The following MYO7B variants were observed in gnomAD, a reference collection of about 807,000 sequenced individuals.
MYO7B encodes the protein myosin VIIB.
In MYO7B, 212 loss-of-function variants were observed where a neutral mutation model predicts 259.7. The ratio of observed to expected loss-of-function variants is 0.82; its 90% CI spans 0.73 to 0.91. The LOEUF is 0.91. Ranked by LOEUF, MYO7B falls within the 40% of genes least tolerant of loss-of-function variation. The pLI, the probability that MYO7B is intolerant of heterozygous loss-of-function variation, is 0.00. For missense variants in MYO7B, 2,732 were observed against 2,813.5 expected (o/e 0.97, Z 0.66); for synonymous variants, 1,197 against 1,166.4 (o/e 1.03, Z -0.54).
intron 1 of MYO7B, among the ~76,000 whole-genome samples, chr2:127,547,275 G>T (rs781325207): frequency 6.6e-6 from 1 of 152,236 alleles, no homozygotes; most frequent in Non-Finnish European, 1.5e-5. Flanking sequence ...TCTCACAGGT[G>T]TGGGAGAGAC....
intron 35 of MYO7B, 51 bp downstream of exon 35, chr2:127,629,877 G>C: frequency 1.3e-6 from 2 of 1,508,370 alleles, no homozygotes; most frequent in Non-Finnish European, 1.8e-6. Flanking sequence ...GGTCAGGGTG[G>C]AGCAGTCCTG....
At chr2:127,617,487 G>GTTTT (rs35542480) in intron 26 of MYO7B, among the ~76,000 whole-genome samples, 6,883 of 84,840 alleles carry the variant, frequency 0.081, 1,103 homozygotes, top group African/African-American at 0.092. Context: ...TTGTAACGGG[G>GTTTT]TTTTTTTTTT....
At position 127,577,805 on chromosome 2, in the gene MYO7B, A is replaced by G. The variant is rs1454576374; in HGVS notation, c.850-328A>G. Among the ~76,000 whole-genome samples, 1 of 152,236 alleles carries G rather than the reference A, an allele frequency of 6.6e-6. No homozygotes were observed. The highest frequency in any genetic ancestry group is 2.4e-5 in the African/African-American group (1 of 41,472). On this transcript the variant is annotated intron_variant, in intron 8 of 47. Coordinates refer to ENST00000409816, the MANE Select transcript of MYO7B (RefSeq NM_001393586.1). The surrounding 1 kb of genome is among the most constrained non-coding windows in gnomAD (Gnocchi z 5.2). Reference sequence around the variant, plus strand: ...CACAGGGCCTGGCCCATGGCGAGCCATGGAAAGTGTTTCTTAAAGGAACAA... The same window carrying G: ...CACAGGGCCTGGCCCATGGCGAGCCGTGGAAAGTGTTTCTTAAAGGAACAA...
rs1217122928 is a variant in MYO7B at position 127,580,817 on chromosome 2, C to A, written c.1075C>A (p.Leu359Met). Residue 359 changes from leucine (L) to methionine (M), a missense_variant, in exon 10 of 48, where the codon CTG (leucine) becomes ATG (methionine). Physicochemically the swap from Leu to Met is conservative, Grantham distance 15. Around this residue, in one of 3 missense-constraint regions of MYO7B, gnomAD observed 1,906 missense variants for 2,026.4 expected, o/e 0.94. Coordinates refer to ENST00000409816, the MANE Select transcript of MYO7B (RefSeq NM_001393586.1). Reference sequence around the variant, plus strand: ...CGCCTTTCCCACCGTGATGAAGTTACTGGAGGTAGGGGTGCTGTGCCCACA... The same window carrying A: ...CGCCTTTCCCACCGTGATGAAGTTAATGGAGGTAGGGGTGCTGTGCCCACA... ...TPAFPTVMKL[L>M]EVQHQELRDC... 6.2e-7 allele frequency: 1 copy of A among 1,612,952 alleles called. No homozygotes were observed. Among genetic ancestry groups the A allele is most frequent in the East Asian group, 2.2e-5 (1 of 44,858 alleles).
In MYO7B at chr2:127,578,118, CA is replaced by C; in HGVS notation, c.850-14del. ...CAGGGGATGGCCCCATTCACTGAGG[CA>C]CCCTGTCCCTCAGGGGAACTGCACT... On this transcript the variant is annotated splice_polypyrimidine_tract_variant and intron_variant, in intron 8 of 47. Transcript: ENST00000409816. 6.2e-7 allele frequency: 1 copy of C among 1,613,050 alleles called. No individual in the cohort carries two copies.
intron 1 of MYO7B, among the ~76,000 whole-genome samples, chr2:127,555,832 G>A (rs1312348567): frequency 6.6e-6 from 1 of 152,158 alleles, no homozygotes; most frequent in Non-Finnish European, 1.5e-5. Context: ...GTCTATCTTG[G>A]AGAAAGTTCC....
rs1319015537 is a variant in MYO7B, at chr2:127,574,045, T to C, written c.718T>C (p.Ser240Pro). ...ARIEQFLLEK[S>P]RVCRQAPEER... ...CATCGAGCAATTTCTCCTGGAGAAG[T>C]CCCGGGTCTGCCGGCAGGTGAGGCC... Residue 240 changes from serine (S) to proline (P), a missense_variant, in exon 7 of 48, where the codon TCC (serine) becomes CCC (proline). Coordinates refer to ENST00000409816, the MANE Select transcript of MYO7B (RefSeq NM_001393586.1). 1.2e-6 allele frequency: 2 copies of C among 1,613,800 alleles called. No individual in the cohort carries two copies. The highest frequency in any genetic ancestry group is 2.7e-5 in the African/African-American group (2 of 74,902).
intron 35 of MYO7B, among the ~76,000 whole-genome samples, chr2:127,630,327 G>A (rs1681401661): frequency 6.6e-6 from 1 of 152,352 alleles, no homozygotes; most frequent in East Asian, 1.9e-4. Context: ...TGGCAACTGT[G>A]CAAAGTGCCA....
Position 127,636,262 on chromosome 2 carries a change from G to A in MYO7B, c.6061G>A (p.Val2021Met). ...GGACAAGACAGTGGAGGAGGCCAAGGTGGCCTTCCTGAAGTGGATCTGCCG... is the reference window on the plus strand; with the variant it reads ...GGACAAGACAGTGGAGGAGGCCAAGATGGCCTTCCTGAAGTGGATCTGCCG... ...HKDKTVEEAK[V>M]AFLKWICRWP... The change falls in exon 45 of 48, where the codon GTG becomes ATG. Residue 2021 changes from valine to methionine, a missense_variant. Coordinates refer to ENST00000409816, the MANE Select transcript of MYO7B (RefSeq NM_001393586.1). This position sits in a 1 kb window ranked among gnomAD's most constrained non-coding sequence, Gnocchi z 4.5. 1 of 1,613,660 alleles carries A rather than the reference G, an allele frequency of 6.2e-7. No individual in the cohort carries two copies.
At position 127,609,639 on chromosome 2, in the gene MYO7B, A is replaced by T. The variant is rs1268788422; in HGVS notation, c.2948A>T (p.Lys983Ile). 6.2e-7 allele frequency: 1 copy of T among 1,613,934 alleles called. No homozygotes were observed. Among genetic ancestry groups the T allele is most frequent in the Non-Finnish European group, 8.5e-7 (1 of 1,179,868 alleles). Residue 983 changes from lysine (K) to isoleucine (I), a missense_variant, in exon 23 of 48, where the codon AAA becomes ATA. This residue lies in a region of MYO7B where 1,906 missense variants were observed against 2,026.4 expected (regional missense o/e 0.94). Transcript: ENST00000409816. The surrounding 1 kb of genome is among the most constrained non-coding windows in gnomAD (Gnocchi z 6.9). ...FPKFAVTYFQ[K>I]SASHTHIRRP... The stretch of plus-strand genomic sequence containing the variant: ...AAGTTTGCTGTGACTTACTTCCAGA[A>T]ATCAGCCAGCCACACACACATCCGG...
chr2:127,632,084 G>A (rs552178926), intron 38 of MYO7B, among the ~76,000 whole-genome samples, 162 bp from the exon 39 acceptor site: 2 of 152,332 alleles, frequency 1.3e-5, no homozygotes, highest in East Asian at 1.9e-4. Flanking sequence ...CCGTGGCATC[G>A]GGCAGCCTGG....
At chr2:127,544,049 G>A (rs1395207255) in intron 1 of MYO7B, among the ~76,000 whole-genome samples, 1 of 152,030 alleles carries the variant, frequency 6.6e-6, no homozygotes, top group African/African-American at 2.4e-5. Context: ...GGGATTACAG[G>A]CTAGAGCCAC....
At chr2:127,547,340 T>C (rs183851862) in intron 1 of MYO7B, among the ~76,000 whole-genome samples, 1 of 152,318 alleles carries the variant, frequency 6.6e-6, no homozygotes, top group East Asian at 1.9e-4. Context: ...AATCGCAGCC[T>C]CTGCATGTGA....
At chr2:127,626,778 CAAAAAA>C in intron 31 of MYO7B, 191 bp from the exon 32 acceptor site, 1 of 554,430 alleles carries the variant, frequency 1.8e-6, no homozygotes, top group East Asian at 3.1e-5. Flanking sequence ...GACTCTGTCT[CAAAAAA>C]GAAAAAAAAA....
Position 127,569,959 on chromosome 2 carries a change from C to T in MYO7B, c.592+49C>T, listed in dbSNP as rs369257716. Reference sequence around the variant, plus strand: ...CCTTCTCCCCCAGCCCCCCTGGAGCCTTCCTGCCAGGTAGGACCATGGGGA... The same window carrying T: ...CCTTCTCCCCCAGCCCCCCTGGAGCTTTCCTGCCAGGTAGGACCATGGGGA... On this transcript the variant is annotated intron_variant, in intron 6 of 47. Transcript: ENST00000409816. The T allele has an allele frequency of 1.4e-5, 22 of 1,575,948 alleles. 1 individual carries two copies. The Middle Eastern group carries it at 1.3e-3, about 94-fold the overall frequency.
chr2:127,592,990 T>C, intron 17 of MYO7B, 44 bp downstream of exon 17: 1 of 1,424,382 alleles, frequency 7.0e-7, no homozygotes. Flanking sequence ...ATCCGCGGCC[T>C]TCCCCTCGGC....
At chr2:127,626,650 G>A (rs1210593753) in intron 31 of MYO7B, 5 of 220,908 alleles carry the variant, frequency 2.3e-5, no homozygotes, top group South Asian at 7.1e-5. Context: ...GCAGTGGCAC[G>A]CGCCTGTAGT....
chr2:127,574,151 C>T, intron 7 of MYO7B, 89 bp downstream of exon 7: 5 of 1,532,588 alleles, frequency 3.3e-6, no homozygotes, highest in Admixed American at 1.7e-5. Flanking sequence ...CTCTCCTCCC[C>T]TCTTCCCCAA....
intron 1 of MYO7B, among the ~76,000 whole-genome samples, chr2:127,536,309 G>A (rs1692773132): frequency 6.6e-6 from 1 of 152,196 alleles, no homozygotes; most frequent in Non-Finnish European, 1.5e-5. Context: ...CAGAGACTGA[G>A]GACCATGGAA....
Sources: allele counts gnomAD v4.1 joint callset (sites outside exome capture counted in the v4.1 genomes callset), GRCh38; gene constraint gnomAD v4.1.1; regional missense constraint gnomAD v4.1.1; non-coding constraint Gnocchi (gnomAD v3.1); transcripts MANE v1.5; gene names NCBI Gene and HGNC (gene_info 2026-07-23, HGNC 2026-07-21).